CSMD1: variants seen among roughly 807,000 people sequenced by gnomAD.
CSMD1 encodes the protein CUB and Sushi multiple domains 1.
A neutral mutation model predicts 417.5 loss-of-function variants in CSMD1; 213 were observed. That is an observed-to-expected ratio of 0.51 (90% CI 0.46 to 0.57). CSMD1 has a LOEUF of 0.57. Among genes scored for constraint, CSMD1 ranks in the 20% least tolerant of loss-of-function variants. The pLI is 0.00. For synonymous variants in CSMD1, 2,862 were observed against 1,736.8 expected (o/e 1.65, Z -16.11); for missense variants, 6,923 against 4,529.7 (o/e 1.53, Z -15.17).
intron 49 of CSMD1, among the ~76,000 whole-genome samples, chr8:3,058,685 G>A (rs527942466): frequency 6.6e-5 from 10 of 151,916 alleles, no homozygotes; most frequent in Non-Finnish European, 1.5e-4. Context: ...AGTACATCTG[G>A]GGGAGGGGGA....
At chr8:3,270,717 G>T (rs1489088322) in intron 26 of CSMD1, among the ~76,000 whole-genome samples, 2 of 152,080 alleles carry the variant, frequency 1.3e-5, no homozygotes, top group East Asian at 3.9e-4. Context: ...TTTATCAACA[G>T]TGGATGTAAA....
intron 2 of CSMD1, among the ~76,000 whole-genome samples, chr8:4,626,998 T>C (rs1183596608): frequency 6.6e-6 from 1 of 152,224 alleles, no homozygotes; most frequent in Non-Finnish European, 1.5e-5. Context: ...GTAAAGCAAG[T>C]AATTGCTTCA....
chr8:4,285,739 AG>A (rs1403250671), intron 3 of CSMD1, among the ~76,000 whole-genome samples: 3 of 152,190 alleles, frequency 2.0e-5, no homozygotes, highest in African/African-American at 7.2e-5. Context: ...TCATCCTGTT[AG>A]GAACTTCAGA....
rs140041727 is a variant in CSMD1 at position 4,298,165 on chromosome 8, A to C, written c.415+121788T>G. Reference sequence around the variant, plus strand: ...ATGGTATAGAAGAAAAGTTTAGAAAAACATAATTTTGAGGAATCTGCCTTA... The same window carrying C: ...ATGGTATAGAAGAAAAGTTTAGAAACACATAATTTTGAGGAATCTGCCTTA... On this transcript the variant is annotated intron_variant, in intron 3 of 69. Coordinates refer to ENST00000635120, the MANE Select transcript of CSMD1 (RefSeq NM_033225.6). 7.0e-3 allele frequency among the ~76,000 whole-genome samples: 1,062 copies of C among 152,274 alleles called. 12 individuals are homozygous for C. Among genetic ancestry groups the C allele is most frequent in the African/African-American group, 0.024 (1,007 of 41,546 alleles).
chr8:4,442,912 T>C (rs896788913), intron 2 of CSMD1, among the ~76,000 whole-genome samples: 2 of 152,198 alleles, frequency 1.3e-5, no homozygotes, highest in African/African-American at 4.8e-5. Context: ...TATGTTTATA[T>C]AAACATAAAT....
intron 3 of CSMD1, among the ~76,000 whole-genome samples, chr8:4,222,758 G>T (rs1372471491): frequency 6.6e-6 from 1 of 152,110 alleles, no homozygotes; most frequent in Non-Finnish European, 1.5e-5. Flanking sequence ...CCAGATGGAG[G>T]TTATAGTTTA....
In CSMD1 at chr8:3,202,899, C is replaced by T. The variant is rs1008651566; in HGVS notation, c.4985-1174G>A. Among the ~76,000 whole-genome samples the T allele has an allele frequency of 2.0e-5, 3 of 152,000 alleles. No homozygotes were observed. The East Asian group carries it at 5.8e-4, about 29-fold the overall frequency. On this transcript the variant is annotated intron_variant, in intron 31 of 69. Transcript: ENST00000635120. Reference sequence around the variant, plus strand: ...AGGCATGTAGGCTAGGTGAATTTTCCCAATAGATGAAATGCTCTAAAAACT... The same window carrying T: ...AGGCATGTAGGCTAGGTGAATTTTCTCAATAGATGAAATGCTCTAAAAACT...
intron 3 of CSMD1, among the ~76,000 whole-genome samples, chr8:4,349,515 C>T (rs1280853687): frequency 6.6e-6 from 1 of 152,006 alleles, no homozygotes; most frequent in Non-Finnish European, 1.5e-5. Flanking sequence ...CTTCTTTTTC[C>T]CTTTCAACAG....
rs536127440 is a variant in CSMD1 at position 3,684,008 on chromosome 8, A to T, written c.1009+24406T>A. Among the ~76,000 whole-genome samples, 5 of 151,400 alleles carry T rather than the reference A, an allele frequency of 3.3e-5. No individual in the cohort carries two copies. The East Asian group carries it at 9.7e-4, about 29-fold the overall frequency. ...GAAGTAACTCATTAGAACACATTCA[A>T]ATTAATGGACTAACACCAAAGAGAC... On this transcript the variant is annotated intron_variant, in intron 7 of 69. Coordinates refer to ENST00000635120, the MANE Select transcript of CSMD1 (RefSeq NM_033225.6).
At chr8:4,591,458 A>G (rs889106286) in intron 2 of CSMD1, among the ~76,000 whole-genome samples, 2 of 152,194 alleles carry the variant, frequency 1.3e-5, no homozygotes, top group Non-Finnish European at 2.9e-5. Context: ...GAGCAAAAGC[A>G]AATGAGCAGA....
chr8:4,385,509 T>C (rs190592557), intron 3 of CSMD1, among the ~76,000 whole-genome samples: 2 of 152,324 alleles, frequency 1.3e-5, no homozygotes, highest in Admixed American at 6.5e-5. Context: ...ACTACCGTAT[T>C]AGTAGTCTTA....
chr8:3,349,494 C>T (rs1808247887), intron 21 of CSMD1, among the ~76,000 whole-genome samples: 1 of 151,778 alleles, frequency 6.6e-6, no homozygotes, highest in African/African-American at 2.4e-5. Context: ...CTCCCTCATC[C>T]TCCTTAAATA....
intron 5 of CSMD1, among the ~76,000 whole-genome samples, chr8:3,914,717 A>G (rs1308476070): frequency 6.6e-6 from 1 of 151,918 alleles, no homozygotes; most frequent in Non-Finnish European, 1.5e-5. Flanking sequence ...TTTTTTGACT[A>G]TCCCTTTTTT....
In CSMD1 at chr8:4,994,542, C is replaced by T. The variant is rs1326398795; in HGVS notation, c.-126G>A. 3.6e-6 allele frequency: 3 copies of T among 830,480 alleles called. No homozygotes were observed. Among genetic ancestry groups the T allele is most frequent in the Non-Finnish European group, 5.7e-6 (3 of 521,980 alleles). The allele number at this position is 830,480 out of a possible 1,614,324, so 51.4% of individuals were successfully genotyped here. A position where few individuals can be genotyped will look rare whatever the true frequency, so the allele number is the denominator to read the frequency against. Reference sequence around the variant, plus strand: ...AGAGAGAGCCCGGTCCCAAGACCCGCCGCGCATCCGACGCCTCCTGAAGGT... The same window carrying T: ...AGAGAGAGCCCGGTCCCAAGACCCGTCGCGCATCCGACGCCTCCTGAAGGT... On this transcript the variant is annotated 5_prime_UTR_variant, in exon 1 of 70. Coordinates refer to ENST00000635120, the MANE Select transcript of CSMD1 (RefSeq NM_033225.6).
intron 52 of CSMD1, among the ~76,000 whole-genome samples, chr8:3,006,999 G>C (rs1023537694): frequency 3.5e-5 from 5 of 144,266 alleles, no homozygotes; most frequent in Non-Finnish European, 7.4e-5. Flanking sequence ...CTACAGAATG[G>C]GAGAAAATTT....
chr8:3,921,289 T>C (rs1306271888), intron 5 of CSMD1, among the ~76,000 whole-genome samples: 1 of 152,124 alleles, frequency 6.6e-6, no homozygotes, highest in African/African-American at 2.4e-5. Flanking sequence ...TAATTTTGAG[T>C]CTTCTCTTTT....
chr8:3,206,973 G>T (rs1273337084), intron 30 of CSMD1, among the ~76,000 whole-genome samples: 2 of 151,974 alleles, frequency 1.3e-5, no homozygotes, highest in African/African-American at 4.8e-5. Flanking sequence ...CAGCGTGGGA[G>T]CCACTCAGGA....
chr8:2,953,483 G>A (rs185794395), intron 65 of CSMD1, among the ~76,000 whole-genome samples: 1 of 148,400 alleles, frequency 6.7e-6, no homozygotes, highest in African/African-American at 2.5e-5. Flanking sequence ...GTTAAAACCT[G>A]AATAAAGAAA....
intron 5 of CSMD1, among the ~76,000 whole-genome samples, chr8:3,883,151 G>T (rs73493875): frequency 6.6e-6 from 1 of 152,036 alleles, no homozygotes; most frequent in Non-Finnish European, 1.5e-5. Context: ...ATACTTGCAA[G>T]CTCAGGCCTT....
Sources: gnomAD v4.1 joint callset for allele counts (sites outside exome capture counted in the v4.1 genomes callset) on GRCh38, gnomAD v4.1.1 for gene constraint, MANE v1.5 for transcripts, NCBI Gene and HGNC (gene_info 2026-07-23, HGNC 2026-07-21) for gene names.